COL4A2: variants seen among roughly 807,000 people sequenced by gnomAD.
The protein encoded by COL4A2 is collagen alpha-2(IV) chain.
Under a neutral mutation model 200.2 loss-of-function variants are expected in COL4A2, and 99 were observed. The ratio of observed to expected loss-of-function variants is 0.49; its 90% confidence interval spans 0.42 to 0.58. COL4A2 has a LOEUF of 0.58. Ranked by LOEUF, COL4A2 falls within the 20% of genes least tolerant of loss-of-function variation. COL4A2 has a pLI of 0.00. For missense variants in COL4A2, 1,950 were observed against 2,314.1 expected (o/e 0.84, Z 3.23); for synonymous variants, 897 against 900.6 (o/e 1.00, Z 0.07).
chr13:110,333,476 C>T (rs573302635), intron 3 of COL4A2, among the ~76,000 whole-genome samples: 1 of 152,182 alleles, frequency 6.6e-6, no homozygotes, highest in Non-Finnish European at 1.5e-5. Context: ...CTACAGGCTC[C>T]GTGAGCACTG....
At chr13:110,430,938 C>G (rs543639811) in intron 10 of COL4A2, 6 of 518,332 alleles carry the variant, frequency 1.2e-5, no homozygotes, top group Non-Finnish European at 2.3e-5. Flanking sequence ...AAACCAAAGT[C>G]CCACAGGTTC....
chr13:110,491,483 C>T, intron 37 of COL4A2, 143 bp downstream of exon 37: 1 of 664,194 alleles, frequency 1.5e-6, no homozygotes, highest in Non-Finnish European at 2.7e-6. Context: ...TAGGAGCTTT[C>T]CTCAGTGCTG....
At position 110,512,378 on chromosome 13, in the gene COL4A2, T is replaced by A; in HGVS notation, c.*187T>A. On this transcript the variant is annotated 3_prime_UTR_variant, in exon 48 of 48. Coordinates refer to ENST00000360467, the MANE Select transcript of COL4A2 (RefSeq NM_001846.4). ...AGCGGGTGCAAGCACTCGGGGTCCC[T>A]GGAGGGCAAGCCCTGCCCACAGAAA... is the stretch of plus-strand genomic sequence containing the variant. The A allele has an allele frequency of 9.9e-7, 1 of 1,008,436 alleles. No homozygotes were observed. Among genetic ancestry groups the A allele is most frequent in the South Asian group, 1.8e-5 (1 of 56,668 alleles). The allele number at this position is 1,008,436 out of a possible 1,614,324, so 62.5% of individuals were successfully genotyped here. A position where few individuals can be genotyped will look rare whatever the true frequency, so the allele number is the denominator to read the frequency against.
At position 110,492,120 on chromosome 13, in the gene COL4A2, A is replaced by G; in HGVS notation, c.3505A>G (p.Ile1169Val). 6.4e-7 allele frequency: 1 copy of G among 1,553,392 alleles called. No homozygotes were observed. The highest frequency in any genetic ancestry group is 1.7e-4 in the Middle Eastern group (1 of 5,992). ...PPGSQGELGR[I>V]GLPGGKGDDG... ...AGGGTCGCAGGGAGAGCTGGGGCGG[A>G]TTGGACTGCCTGGTGGCAAAGGAGA... The change falls in exon 38 of 48, where the codon ATT (isoleucine) becomes GTT (valine). Residue 1169 changes from isoleucine to valine, a missense_variant. Ile to Val is a conservative substitution (Grantham distance 29). Coordinates refer to ENST00000360467, the MANE Select transcript of COL4A2 (RefSeq NM_001846.4).
intron 34 of COL4A2, among the ~76,000 whole-genome samples, chr13:110,488,284 C>G (rs925462792): frequency 6.6e-6 from 1 of 152,204 alleles, no homozygotes; most frequent in East Asian, 1.9e-4. Flanking sequence ...CTCGGCCTCC[C>G]AAAGTGCTGG....
intron 3 of COL4A2, among the ~76,000 whole-genome samples, chr13:110,337,139 A>G (rs921368405): frequency 1.3e-5 from 2 of 152,236 alleles, no homozygotes; most frequent in Non-Finnish European, 2.9e-5. Context: ...TGCTCACTGC[A>G]TTCAATCCGT....
At chr13:110,342,069 A>G (rs1876478774) in intron 3 of COL4A2, among the ~76,000 whole-genome samples, 1 of 152,140 alleles carries the variant, frequency 6.6e-6, no homozygotes, top group African/African-American at 2.4e-5. Flanking sequence ...ATCCCAAGTG[A>G]CCCTGGCTCA....
intron 3 of COL4A2, among the ~76,000 whole-genome samples, chr13:110,325,011 C>G (rs1039928176): frequency 6.6e-6 from 1 of 152,130 alleles, no homozygotes; most frequent in Non-Finnish European, 1.5e-5. Context: ...AGAGCACGTT[C>G]GACCCTTAGC....
At chr13:110,335,398 T>C (rs1876131869) in intron 3 of COL4A2, among the ~76,000 whole-genome samples, 1 of 152,018 alleles carries the variant, frequency 6.6e-6, no homozygotes, top group Admixed American at 6.6e-5. Flanking sequence ...TGCGGTAGAG[T>C]AAGTCTCATG....
intron 29 of COL4A2, among the ~76,000 whole-genome samples, chr13:110,476,371 G>A (rs868534757): frequency 5.3e-5 from 8 of 152,226 alleles, no homozygotes; most frequent in African/African-American, 1.9e-4. Flanking sequence ...TACTACAGGA[G>A]GAGGTGAGAA....
intron 4 of COL4A2, among the ~76,000 whole-genome samples, chr13:110,367,059 C>A (rs1287018901): frequency 6.6e-6 from 1 of 152,170 alleles, no homozygotes; most frequent in Non-Finnish European, 1.5e-5. Flanking sequence ...CTGTGTCCAG[C>A]CTAGAGGTTT....
intron 3 of COL4A2, among the ~76,000 whole-genome samples, chr13:110,343,139 G>A (rs1047656066): frequency 2.0e-5 from 3 of 152,200 alleles, no homozygotes; most frequent in African/African-American, 7.2e-5. Context: ...GTGACTGTGT[G>A]TGTGGTCTCT....
chr13:110,438,568 G>A, intron 14 of COL4A2, 50 bp from the exon 15 acceptor site: 1 of 1,611,448 alleles, frequency 6.2e-7, no homozygotes, highest in Non-Finnish European at 8.5e-7. Context: ...CCTGTTGGCT[G>A]GAGGGGCCGC....
intron 34 of COL4A2, among the ~76,000 whole-genome samples, chr13:110,487,978 G>A (rs1883165505): frequency 6.6e-6 from 1 of 152,180 alleles, no homozygotes; most frequent in African/African-American, 2.4e-5. Flanking sequence ...AAACAAAGGT[G>A]CAGCCTGTGG....
chr13:110,352,860 G>A (rs959210530), intron 3 of COL4A2, among the ~76,000 whole-genome samples: 3 of 152,166 alleles, frequency 2.0e-5, no homozygotes, highest in Non-Finnish European at 4.4e-5. Flanking sequence ...AGGACACCCA[G>A]ACAACCACAG....
At chr13:110,433,989 A>C (rs1462251852) in intron 11 of COL4A2, among the ~76,000 whole-genome samples, 4 of 152,240 alleles carry the variant, frequency 2.6e-5, no homozygotes, top group African/African-American at 9.6e-5. Context: ...ATATGAAATG[A>C]GGATTATTTT....
chr13:110,504,423 C>T (rs1883770052), intron 45 of COL4A2, among the ~76,000 whole-genome samples, 159 bp downstream of exon 45: 1 of 152,184 alleles, frequency 6.6e-6, no homozygotes, highest in Non-Finnish European at 1.5e-5. Context: ...CAGCTACACT[C>T]CTATGCCCAG....
intron 28 of COL4A2, 51 bp downstream of exon 28, chr13:110,469,375 G>T: frequency 6.6e-7 from 1 of 1,511,728 alleles, no homozygotes; most frequent in Non-Finnish European, 9.0e-7. Context: ...GCGGGAACCT[G>T]TGTGTGATTC....
intron 3 of COL4A2, among the ~76,000 whole-genome samples, chr13:110,345,969 C>G (rs1445347536): frequency 6.6e-6 from 1 of 152,150 alleles, no homozygotes; most frequent in Non-Finnish European, 1.5e-5. Context: ...ATGATGACAT[C>G]AAGAAGATGG....
Sources: gnomAD v4.1 joint callset for allele counts (sites outside exome capture counted in the v4.1 genomes callset) on GRCh38, gnomAD v4.1.1 for gene constraint, MANE v1.5 for transcripts, NCBI Gene and HGNC (gene_info 2026-07-23, HGNC 2026-07-21) for gene names.